Variants in TLN2 observed in about 807,000 individuals in gnomAD.
The protein encoded by TLN2 is talin-2.
Under a neutral mutation model 294.7 loss-of-function variants are expected in TLN2, and 118 were observed. The observed-to-expected ratio is 0.40, with a 90% CI of 0.34 to 0.47. The LOEUF (loss-of-function observed/expected upper bound fraction) is 0.47, where lower values mean the gene tolerates loss of function less well. Among genes scored for constraint, TLN2 ranks in the 20% least tolerant of loss-of-function variants. TLN2 has a pLI of 0.84. For synonymous variants in TLN2, 1,431 were observed against 1,304.5 expected (o/e 1.10, Z -2.09); for missense variants, 3,083 against 3,282.2 (o/e 0.94, Z 1.48).
intron 42 of TLN2, among the ~76,000 whole-genome samples, chr15:62,776,246 C>T (rs965564360): frequency 6.6e-6 from 1 of 152,170 alleles, no homozygotes; most frequent in African/African-American, 2.4e-5. Context: ...ATTTCTCCAA[C>T]CTCATGGCAT....
At chr15:62,465,431 C>A (rs1234580523) in intron 1 of TLN2, among the ~76,000 whole-genome samples, 1 of 152,156 alleles carries the variant, frequency 6.6e-6, no homozygotes, top group African/African-American at 2.4e-5. Context: ...AAACCGTAAT[C>A]CTCTCCCCTA....
At chr15:62,725,915 G>A (rs1181853029) in intron 27 of TLN2, among the ~76,000 whole-genome samples, 7 of 152,188 alleles carry the variant, frequency 4.6e-5, no homozygotes, top group South Asian at 4.1e-4. Flanking sequence ...GACTTCAGGC[G>A]TAGAACAATG....
chr15:62,469,542 A>G (rs1320665378), intron 1 of TLN2, among the ~76,000 whole-genome samples: 1 of 152,236 alleles, frequency 6.6e-6, no homozygotes, highest in African/African-American at 2.4e-5. Flanking sequence ...TTGTTCTGCC[A>G]TTGGGAAATA....
chr15:62,546,854 T>C (rs1457224447), intron 1 of TLN2, among the ~76,000 whole-genome samples: 3 of 152,194 alleles, frequency 2.0e-5, no homozygotes, highest in Non-Finnish European at 4.4e-5. Flanking sequence ...CTCCTGGTAG[T>C]AATGTGAGAT....
At chr15:62,594,821 A>C (rs2046351596) in intron 2 of TLN2, among the ~76,000 whole-genome samples, 1 of 152,226 alleles carries the variant, frequency 6.6e-6, no homozygotes, top group Non-Finnish European at 1.5e-5. Flanking sequence ...ATTACATTAA[A>C]CTAAAGCTTC....
chr15:62,417,086 G>T (rs1476249438), intron 1 of TLN2, among the ~76,000 whole-genome samples: 1 of 152,182 alleles, frequency 6.6e-6, no homozygotes, highest in African/African-American at 2.4e-5. Flanking sequence ...GTGCTGTGGA[G>T]ATGGCGTCAG....
At chr15:62,522,978 ACT>A (rs58550834) in intron 1 of TLN2, among the ~76,000 whole-genome samples, 17,841 of 109,036 alleles carry the variant, frequency 0.16, 1,210 homozygotes, top group East Asian at 0.36. Context: ...ACACACACAC[ACT>A]CTCTCACTCA....
chr15:62,481,753 A>G (rs1595902081), intron 1 of TLN2, among the ~76,000 whole-genome samples: 1 of 150,484 alleles, frequency 6.6e-6, no homozygotes. Flanking sequence ...ATACAAATTT[A>G]TCCCATATTT....
intron 11 of TLN2, among the ~76,000 whole-genome samples, chr15:62,677,804 A>G (rs1465614268): frequency 1.6e-4 from 2 of 12,582 alleles, no homozygotes; most frequent in East Asian, 6.0e-3. Context: ...CAGCACTTGC[A>G]ACTTTTTTTT....
At chr15:62,415,049 C>T (rs1784797124) in intron 1 of TLN2, among the ~76,000 whole-genome samples, 1 of 140,878 alleles carries the variant, frequency 7.1e-6, no homozygotes, top group Non-Finnish European at 1.5e-5. Context: ...GCTGGGATTA[C>T]AGGCGTGCAC....
At chr15:62,520,629 A>G (rs2040409781) in intron 1 of TLN2, among the ~76,000 whole-genome samples, 1 of 152,240 alleles carries the variant, frequency 6.6e-6, no homozygotes, top group African/African-American at 2.4e-5. Flanking sequence ...GGGAAACATA[A>G]CTACAGCATA....
chr15:62,761,415 G>A (rs191832449), intron 37 of TLN2, among the ~76,000 whole-genome samples: 46 of 152,290 alleles, frequency 3.0e-4, no homozygotes, highest in African/African-American at 9.4e-4. Context: ...GTTTAAATCT[G>A]TGTCTCTGCT....
intron 2 of TLN2, among the ~76,000 whole-genome samples, chr15:62,605,235 A>G (rs775329049): frequency 4.6e-5 from 7 of 152,230 alleles, no homozygotes; most frequent in African/African-American, 9.6e-5. Flanking sequence ...GGGCAATACT[A>G]TAGTTTATAT....
chr15:62,450,901 G>A (rs953302269), intron 1 of TLN2, among the ~76,000 whole-genome samples: 2 of 151,324 alleles, frequency 1.3e-5, no homozygotes, highest in African/African-American at 2.4e-5. Context: ...TAGCTCAAAT[G>A]TTGTTTCTCC....
At chr15:62,729,763 G>A (rs1162384986) in intron 28 of TLN2, among the ~76,000 whole-genome samples, 1 of 151,928 alleles carries the variant, frequency 6.6e-6, no homozygotes, top group Non-Finnish European at 1.5e-5. Flanking sequence ...GATATGTTGG[G>A]GTTCGAGTCT....
At chr15:62,611,693 C>A (rs1306274465) in intron 2 of TLN2, among the ~76,000 whole-genome samples, 1 of 152,198 alleles carries the variant, frequency 6.6e-6, no homozygotes, top group African/African-American at 2.4e-5. Flanking sequence ...ACAAGTTTCT[C>A]AAGCCTTCGG....
chr15:62,562,335 A>G (rs575471820), intron 1 of TLN2, among the ~76,000 whole-genome samples: 4 of 152,246 alleles, frequency 2.6e-5, no homozygotes, highest in African/African-American at 9.6e-5. Context: ...ATCGTGGGAC[A>G]GTTGCCTGAC....
chr15:62,717,482 A>G lies in TLN2; in HGVS notation c.2764-94A>G, dbSNP rs144941533. 6 of 832,256 alleles carry G rather than the reference A, an allele frequency of 7.2e-6. No homozygotes were observed. In the East Asian group the frequency reaches 2.0e-4, roughly 27 times the overall value. 51.6% of individuals were successfully genotyped at this position (832,256 alleles called of 1,614,324 possible). A position where few individuals can be genotyped will look rare whatever the true frequency, so the allele number is the denominator to read the frequency against. On this transcript the variant is annotated intron_variant, in intron 23 of 58. Coordinates refer to ENST00000636159, the MANE Select transcript of TLN2 (RefSeq NM_015059.3). ...TGCTCTTTGGAGTTCTTTTAGAGCC[A>G]CAAACCTGTCCTGACTCTGTGGTGG...
intron 16 of TLN2, 61 bp from the exon 17 acceptor site, chr15:62,701,045 T>G: frequency 1.4e-6 from 2 of 1,423,384 alleles, no homozygotes; most frequent in African/African-American, 2.8e-5. Context: ...TGGCGGGGCT[T>G]CTCCGGTCTC....
Sources: gnomAD v4.1 joint callset for allele counts (sites outside exome capture counted in the v4.1 genomes callset) on GRCh38, gnomAD v4.1.1 for gene constraint, MANE v1.5 for transcripts, NCBI Gene and HGNC (gene_info 2026-07-23, HGNC 2026-07-21) for gene names.